Variants in PCDHA3 observed in about 807,000 individuals in gnomAD.
PCDHA3 encodes protocadherin alpha-3.
In PCDHA3, 41 loss-of-function variants were observed where a neutral mutation model predicts 62.2. The observed-to-expected ratio is 0.66, with a 90% CI of 0.51 to 0.86. The LOEUF (loss-of-function observed/expected upper bound fraction) is 0.86. Among genes scored for constraint, PCDHA3 ranks in the 40% least tolerant of loss-of-function variants. The pLI is 0.00. For missense variants in PCDHA3, 1,304 were observed against 1,241.2 expected, an observed-to-expected ratio of 1.05 and a Z score of -0.76; for synonymous variants, 640 against 555.4, an observed-to-expected ratio of 1.15 and a Z score of -2.14.
chr5:140,808,774 G>A (rs1554124777), intron 1 of PCDHA3: 2 of 1,612,462 alleles, frequency 1.2e-6, no homozygotes, highest in South Asian at 1.1e-5. Flanking sequence ...AGGAGCTAGA[G>A]CTGCTGCAGT....
rs2150123855 is a variant in PCDHA3 at position 140,823,236 on chromosome 5, C to G, written c.2394+19645C>G. 4,287 of 1,613,532 alleles carry G rather than the reference C, an allele frequency of 2.7e-3. 77 individuals are homozygous for G. The African/African-American group carries it at 0.049, about 19-fold the overall frequency. On this transcript the variant is annotated intron_variant, in intron 1 of 3. Coordinates refer to ENST00000522353, the MANE Select transcript of PCDHA3 (RefSeq NM_018906.3). ...GGGACGCGGACGCGCAGGAGAACGC[C>G]CTGGTGTCCTACTCGCTGGTGGAGC...
At chr5:140,870,489 C>A in intron 1 of PCDHA3, 1 of 1,614,222 alleles carries the variant, frequency 6.2e-7, no homozygotes, top group South Asian at 1.1e-5. Context: ...ACACCGTGTT[C>A]GTGAAGGAGA....
intron 1 of PCDHA3, among the ~76,000 whole-genome samples, chr5:140,831,493 A>G (rs1458083033): frequency 1.2e-5 from 1 of 84,180 alleles, no homozygotes; most frequent in Non-Finnish European, 2.4e-5. Context: ...TGGAGTTACT[A>G]CACACGAGCA....
chr5:140,921,741 A>AT (rs1554200411), intron 1 of PCDHA3, among the ~76,000 whole-genome samples: 1 of 152,202 alleles, frequency 6.6e-6, no homozygotes, highest in Non-Finnish European at 1.5e-5. Context: ...AATTATAAGC[A>AT]TAACAGGACA....
chr5:140,828,627 G>A lies in PCDHA3; in HGVS notation c.2394+25036G>A, dbSNP rs1769859813. On this transcript the variant is annotated intron_variant, in intron 1 of 3. Coordinates refer to ENST00000522353, the MANE Select transcript of PCDHA3 (RefSeq NM_018906.3). ...AAACTCAGTTCTAGCGAATACTTCG[G>A]GCTAGATGTGAAAATAAACAGTGAT... The A allele has an allele frequency of 3.7e-6, 6 of 1,614,114 alleles. No homozygotes were observed. Among genetic ancestry groups the A allele is most frequent in the Non-Finnish European group, 5.1e-6 (6 of 1,179,986 alleles).
chr5:140,804,691 C>T (rs1763441915), intron 1 of PCDHA3: 1 of 163,914 alleles, frequency 6.1e-6, no homozygotes, highest in Non-Finnish European at 1.3e-5. Flanking sequence ...TAACCAGAAC[C>T]AAATGAAATT....
chr5:140,962,619 T>C (rs1405135656), intron 1 of PCDHA3, among the ~76,000 whole-genome samples: 1 of 152,212 alleles, frequency 6.6e-6, no homozygotes, highest in East Asian at 1.9e-4. Context: ...GGAAGGGAGA[T>C]GTGAAAAAAT....
chr5:140,968,330 G>A (rs1314697989), intron 1 of PCDHA3: 2 of 1,613,974 alleles, frequency 1.2e-6, no homozygotes, highest in East Asian at 2.2e-5. Context: ...CACCTCCTAT[G>A]TCTCCATTAA....
chr5:140,848,761 G>C lies in PCDHA3; in HGVS notation c.2394+45170G>C, dbSNP rs200597765. 1.3e-5 allele frequency: 21 copies of C among 1,593,458 alleles called. No individual in the cohort carries two copies. In the South Asian group the frequency reaches 2.2e-4, roughly 17 times the overall value. On this transcript the variant is annotated intron_variant, in intron 1 of 3. Coordinates refer to ENST00000522353, the MANE Select transcript of PCDHA3 (RefSeq NM_018906.3). Reference sequence around the variant, plus strand: ...AATGGCATTTTGTTTGTGAATTCTCGGATCGACCGCGAGGAGCTGTGCGGG... The same window carrying C: ...AATGGCATTTTGTTTGTGAATTCTCCGATCGACCGCGAGGAGCTGTGCGGG...
intron 1 of PCDHA3, chr5:140,835,475 A>T (rs141258579): frequency 6.2e-7 from 1 of 1,613,920 alleles, no homozygotes; most frequent in Non-Finnish European, 8.5e-7. Flanking sequence ...AGGACGCCCA[A>T]CCAGGTACCG....
At chr5:140,828,657 A>C in intron 1 of PCDHA3, 1 of 1,614,208 alleles carries the variant, frequency 6.2e-7, no homozygotes, top group Non-Finnish European at 8.5e-7. Context: ...AGTGATGACA[A>C]TAAACAAATT....
chr5:140,821,763 G>T (rs1166758785), intron 1 of PCDHA3: 26 of 1,591,652 alleles, frequency 1.6e-5, no homozygotes, highest in Non-Finnish European at 2.2e-5. Context: ...CTCATAATTG[G>T]AACGAGATTG....
intron 1 of PCDHA3, chr5:140,823,975 G>A: frequency 1.2e-6 from 2 of 1,614,062 alleles, no homozygotes; most frequent in Non-Finnish European, 1.7e-6. Context: ...GTGCACACGG[G>A]GCAAGCCCAC....
At chr5:140,960,455 T>A (rs1585839337) in intron 1 of PCDHA3, among the ~76,000 whole-genome samples, 3 of 152,274 alleles carry the variant, frequency 2.0e-5, no homozygotes, top group African/African-American at 7.2e-5. Flanking sequence ...ATGGATAATT[T>A]TGAGAAGTAA....
intron 1 of PCDHA3, among the ~76,000 whole-genome samples, chr5:140,891,347 A>G (rs1554184792): frequency 6.6e-6 from 1 of 151,926 alleles, no homozygotes; most frequent in African/African-American, 2.4e-5. Context: ...ATTTTGGTGC[A>G]TCCATCACCT....
At chr5:140,968,846 C>T (rs1554231159) in intron 1 of PCDHA3, 1 of 1,614,186 alleles carries the variant, frequency 6.2e-7, no homozygotes. Context: ...CACTCAGAGG[C>T]ATGTTAAGAG....
At chr5:140,821,890 A>T (rs2150111663) in intron 1 of PCDHA3, 2 of 1,614,240 alleles carry the variant, frequency 1.2e-6, no homozygotes, top group Admixed American at 3.3e-5. Flanking sequence ...GGAGGAAGCC[A>T]AACACGGAAC....
intron 1 of PCDHA3, chr5:140,870,819 G>T: frequency 3.1e-6 from 5 of 1,613,714 alleles, no homozygotes; most frequent in Non-Finnish European, 4.2e-6. Context: ...CTGGCAGCGC[G>T]GGAGGCGCAG....
At chr5:141,006,305 G>A (rs548520638) in intron 3 of PCDHA3, among the ~76,000 whole-genome samples, 25 of 151,934 alleles carry the variant, frequency 1.6e-4, no homozygotes, top group Admixed American at 5.2e-4. Context: ...TCCACTTCCC[G>A]GGTTCATGCC....
Sources: gnomAD v4.1 joint callset for allele counts (sites outside exome capture counted in the v4.1 genomes callset) on GRCh38, gnomAD v4.1.1 for gene constraint, MANE v1.5 for transcripts, NCBI Gene and HGNC (gene_info 2026-07-23, HGNC 2026-07-21) for gene names.